SHE: variants seen among roughly 807,000 people sequenced by gnomAD.
The protein encoded by SHE is Src homology 2 domain containing E.
A neutral mutation model predicts 49.8 loss-of-function variants in SHE; 11 were observed. The observed-to-expected ratio is 0.22, with a 90% CI of 0.14 to 0.37. SHE has a LOEUF of 0.37. SHE is among the 10% of genes least tolerant of loss of function. The pLI, the probability that SHE is intolerant of heterozygous loss-of-function variation, is 1.00. For missense variants in SHE, 624 were observed against 655.5 expected (o/e 0.95, Z 0.52); for synonymous variants, 310 against 278.1 (o/e 1.11, Z -1.14).
chr1:154,499,456 C>G (rs149729353), intron 1 of SHE, among the ~76,000 whole-genome samples: 104 of 152,262 alleles, frequency 6.8e-4, no homozygotes, highest in Admixed American at 1.5e-3. Flanking sequence ...CTAACTCTTT[C>G]ACTTATCCCC....
At chr1:154,486,949 TAATG>T (rs1402476756) in intron 3 of SHE, among the ~76,000 whole-genome samples, 1 of 152,190 alleles carries the variant, frequency 6.6e-6, no homozygotes, top group African/African-American at 2.4e-5. Flanking sequence ...GAAACCACTT[TAATG>T]TATTTCAACA....
At chr1:154,500,606 C>T (rs995624059) in intron 1 of SHE, among the ~76,000 whole-genome samples, 1 of 152,208 alleles carries the variant, frequency 6.6e-6, no homozygotes, top group African/African-American at 2.4e-5. Flanking sequence ...CTCTCTCCCC[C>T]TTTCACATCG....
exon 2 of SHE, chr1:154,470,238 C>A: frequency 3.4e-6 from 4 of 1,164,404 alleles, no homozygotes; most frequent in Non-Finnish European, 4.6e-6. Context: ...ATGGAGGGGG[C>A]ACGGGAGTGG....
chr1:154,487,229 G>A (rs1363836551), intron 3 of SHE, among the ~76,000 whole-genome samples: 7 of 145,036 alleles, frequency 4.8e-5, no homozygotes, highest in African/African-American at 1.8e-4. Context: ...CCAAGATTGC[G>A]CCACGGCACT....
At position 154,489,118 on chromosome 1, in the gene SHE, C is replaced by CTCG. The variant is rs1432317870; in HGVS notation, c.954_956dup (p.Asp318dup). The CTCG allele has an allele frequency of 6.2e-7, 1 of 1,613,550 alleles. No individual in the cohort carries two copies. Among genetic ancestry groups the CTCG allele is most frequent in the Non-Finnish European group, 8.5e-7 (1 of 1,179,678 alleles). On this transcript the variant is annotated inframe_insertion, in exon 3 of 6. Coordinates refer to ENST00000304760, the MANE Select transcript of SHE (RefSeq NM_001010846.3). ...GCTGCTCGTACTCTGCCGCGGGCCT[C>CTCG]TCGTCGTTCTCGGGCAGCCGGCTGT...
chr1:154,476,436 C>T (rs555093895), downstream of SHE, among the ~76,000 whole-genome samples: 1 of 151,920 alleles, frequency 6.6e-6, no homozygotes, highest in Non-Finnish European at 1.5e-5. Context: ...CAAGGTCAGG[C>T]GTTTGAGATC....
chr1:154,471,479 G>T (rs1691741313), intron 1 of SHE, among the ~76,000 whole-genome samples: 1 of 152,116 alleles, frequency 6.6e-6, no homozygotes, highest in Non-Finnish European at 1.5e-5. Flanking sequence ...AGAGGGTGAG[G>T]CGGGAGGATT....
rs192214196 is a variant in SHE at position 154,486,465 on chromosome 1, C to T, written c.1181+62G>A. 5.0e-6 allele frequency: 8 copies of T among 1,589,602 alleles called. No individual in the cohort carries two copies. In the African/African-American group the frequency reaches 1.1e-4, roughly 21 times the overall value. Reference sequence around the variant, plus strand: ...CATGTGAAATGGGCCAATGTGCTCCCTGATACAAAGCTGTAAGCTCCCAGC... The same window carrying T: ...CATGTGAAATGGGCCAATGTGCTCCTTGATACAAAGCTGTAAGCTCCCAGC... On this transcript the variant is annotated intron_variant, in intron 4 of 5. Coordinates refer to ENST00000304760, the MANE Select transcript of SHE (RefSeq NM_001010846.3).
At position 154,501,579 on chromosome 1, in the gene SHE, C is replaced by T; in HGVS notation, c.448G>A (p.Val150Met). Residue 150 changes from valine to methionine, a missense_variant, in exon 1 of 6, where the codon GTG becomes ATG. By Grantham distance (21) the Val-to-Met change is conservative (BLOSUM62 1). This residue lies in a region of SHE where 337 missense variants were observed against 306.0 expected (regional missense o/e 1.10). Transcript: ENST00000304760. ...TTCCCGTTCTTCTCCTGAGTGTCCA[C>T]CTTGATGAGCCTGTTGATGTAGGTG... The part of the protein sequence containing the change: ...CSTYINRLIK[V>M]DTQEKNGKSN... The T allele has an allele frequency of 6.2e-7, 1 of 1,614,118 alleles. No homozygotes were observed. The highest frequency in any genetic ancestry group is 8.5e-7 in the Non-Finnish European group (1 of 1,179,988).
intron 1 of SHE, among the ~76,000 whole-genome samples, chr1:154,473,123 C>T (rs990112408): frequency 2.6e-5 from 4 of 151,896 alleles, no homozygotes; most frequent in South Asian, 2.1e-4. Context: ...CTCAGCCTCC[C>T]GAGTAGCTGG....
At chr1:154,486,137 A>G (rs990388970) in intron 4 of SHE, 75 bp from the exon 5 acceptor site, 46 of 1,571,394 alleles carry the variant, frequency 2.9e-5, no homozygotes, top group East Asian at 1.1e-4. Flanking sequence ...ATTGCTCCAT[A>G]AAGCGTTGTT....
Position 154,479,672 on chromosome 1 carries a change from T to C in SHE, c.*4477A>G, listed in dbSNP as rs568450672. Reference sequence around the variant, plus strand: ...CAAACATTTTTAAAAGTTGAAACTATGTATTAGTTGATATCTAAAATATTA... The same window carrying C: ...CAAACATTTTTAAAAGTTGAAACTACGTATTAGTTGATATCTAAAATATTA... On this transcript the variant is annotated 3_prime_UTR_variant, in exon 6 of 6. Coordinates refer to ENST00000304760, the MANE Select transcript of SHE (RefSeq NM_001010846.3). 2 of 978,290 alleles carry C rather than the reference T, an allele frequency of 2.0e-6. No homozygotes were observed. The highest frequency in any genetic ancestry group is 1.1e-4 in the East Asian group (1 of 8,778). 60.6% of individuals were successfully genotyped at this position (978,290 alleles called of 1,614,324 possible).
chr1:154,498,857 T>A (rs1171455826), intron 2 of SHE, among the ~76,000 whole-genome samples: 2 of 152,230 alleles, frequency 1.3e-5, no homozygotes, highest in Non-Finnish European at 2.9e-5. Flanking sequence ...TCTGCACTCA[T>A]AAATGTCATC....
rs1025655331 is a variant in SHE, at chr1:154,483,537, C to T, written c.*612G>A. ...GGCACATTTCTAGAGAACTCTGATGCTCCTGAACTCCTGACTTAACCTTCC... is the reference window on the plus strand; with the variant it reads ...GGCACATTTCTAGAGAACTCTGATGTTCCTGAACTCCTGACTTAACCTTCC... On this transcript the variant is annotated 3_prime_UTR_variant, in exon 6 of 6. Transcript: ENST00000304760. 4.3e-5 allele frequency: 42 copies of T among 985,318 alleles called. No individual in the cohort carries two copies. The highest frequency in any genetic ancestry group is 6.1e-5 in the Admixed American group (1 of 16,264). The allele number at this position is 985,318 out of a possible 1,614,324, so 61.0% of individuals were successfully genotyped here.
intron 2 of SHE, among the ~76,000 whole-genome samples, chr1:154,498,817 G>C (rs904592740): frequency 6.6e-6 from 1 of 152,152 alleles, no homozygotes; most frequent in African/African-American, 2.4e-5. Flanking sequence ...ATATAATCAT[G>C]TTAAAACTGA....
At chr1:154,493,198 C>T (rs1175570047) in intron 2 of SHE, among the ~76,000 whole-genome samples, 1 of 152,182 alleles carries the variant, frequency 6.6e-6, no homozygotes, top group Non-Finnish European at 1.5e-5. Context: ...CTGCAAACTG[C>T]TATCATCTTT....
chr1:154,481,359 C>A lies in SHE; in HGVS notation c.*2790G>T. 2 of 985,416 alleles carry A rather than the reference C, an allele frequency of 2.0e-6. No homozygotes were observed. Among genetic ancestry groups the A allele is most frequent in the Non-Finnish European group, 2.4e-6 (2 of 829,934 alleles). 61.0% of individuals were successfully genotyped at this position (985,416 alleles called of 1,614,324 possible). On this transcript the variant is annotated 3_prime_UTR_variant, in exon 6 of 6. Coordinates refer to ENST00000304760, the MANE Select transcript of SHE (RefSeq NM_001010846.3). ...TATAACCTCCTGTACAACTGTAAAG[C>A]AACTGGACAATATGTAAACTCTGCC... is the stretch of plus-strand genomic sequence containing the variant.
rs1365486482 is a variant in SHE, at chr1:154,479,976, G to C, written c.*4173C>G. 1 of 985,412 alleles carries C rather than the reference G, an allele frequency of 1.0e-6. No individual in the cohort carries two copies. The highest frequency in any genetic ancestry group is 1.7e-5 in the African/African-American group (1 of 57,352). The allele number at this position is 985,412 out of a possible 1,614,324, so 61.0% of individuals were successfully genotyped here. A position where few individuals can be genotyped will look rare whatever the true frequency, so the allele number is the denominator to read the frequency against. On this transcript the variant is annotated 3_prime_UTR_variant, in exon 6 of 6. Transcript: ENST00000304760. ...AAGCCCTACCCTTAAATGCACAGCT[G>C]CTTTTCCCAACTGCAGTTTTCTCTT...
At chr1:154,500,562 T>C (rs1317393060) in intron 1 of SHE, among the ~76,000 whole-genome samples, 2 of 152,226 alleles carry the variant, frequency 1.3e-5, no homozygotes, top group African/African-American at 4.8e-5. Context: ...AGTGATTGCC[T>C]GGACCGGAGT....
Sources: allele counts gnomAD v4.1 joint callset (sites outside exome capture counted in the v4.1 genomes callset), GRCh38; gene constraint gnomAD v4.1.1; regional missense constraint gnomAD v4.1.1; transcripts MANE v1.5; gene names NCBI Gene and HGNC (gene_info 2026-07-23, HGNC 2026-07-21).